MTFR2: variants seen among roughly 807,000 people sequenced by gnomAD.
MTFR2 encodes DUF729 domain-containing protein 1.
A neutral mutation model predicts 41.2 loss-of-function variants in MTFR2; 44 were observed. The ratio of observed to expected loss-of-function variants is 1.07; its 90% CI spans 0.84 to 1.37. The LOEUF is 1.37. Ranked by LOEUF, MTFR2 falls within the 40% of genes most tolerant of loss-of-function variation. The pLI, the probability that MTFR2 is intolerant of heterozygous loss-of-function variation, is 0.00. For synonymous variants in MTFR2, 141 were observed against 154.6 expected (o/e 0.91, Z 0.65); for missense variants, 452 against 459.5 (o/e 0.98, Z 0.15).
chr6:136,235,945 A>T (rs909090940), intron 6 of MTFR2, among the ~76,000 whole-genome samples: 1 of 152,130 alleles, frequency 6.6e-6, no homozygotes, highest in Admixed American at 6.5e-5. Context: ...AAAAAAAGAA[A>T]GTGCTCCAAG....
At chr6:136,233,957 T>C (rs559346759) in intron 6 of MTFR2, among the ~76,000 whole-genome samples, 1 of 152,028 alleles carries the variant, frequency 6.6e-6, no homozygotes, top group South Asian at 2.1e-4. Flanking sequence ...GCTTTGGGAG[T>C]ATTCTGCTCC....
In MTFR2 at chr6:136,242,895, C is replaced by G; in HGVS notation, c.247G>C (p.Ala83Pro). The G allele has an allele frequency of 6.2e-7, 1 of 1,613,092 alleles. No homozygotes were observed. Among genetic ancestry groups the G allele is most frequent in the South Asian group, 1.1e-5 (1 of 90,956 alleles). The change falls in exon 4 of 8, where the codon GCA becomes CCA. Residue 83 changes from alanine (A) to proline (P), a missense_variant. Physicochemically the swap from Ala to Pro is conservative, Grantham distance 27. Coordinates refer to ENST00000420702, the MANE Select transcript of MTFR2 (RefSeq NM_001099286.3). ...AGATAACTGGCTTCTTCATCATTTG[C>G]CACATACAAAATATCAGCAAAAGAT... ...VPSFADILYV[A>P]NDEEASYLRF...
At position 136,241,604 on chromosome 6, in the gene MTFR2, C is replaced by G. The variant is rs1285580350; in HGVS notation, c.354G>C (p.Leu118=). 1.2e-6 allele frequency: 2 copies of G among 1,614,116 alleles called. No individual in the cohort carries two copies. The highest frequency in any genetic ancestry group is 1.7e-5 in the Admixed American group (1 of 60,012). ...FHPLRLVRDP[L]SPAVRQKETV... The stretch of plus-strand genomic sequence containing the variant: ...TTTCTTTCTGTCTTACAGCAGGTGA[C>G]AGTGGATCCCGAACTAGTCGCAAAG... The change falls in exon 5 of 8, where the codon CTG becomes CTC. Residue 118 remains leucine (L), a synonymous_variant. Coordinates refer to ENST00000420702, the MANE Select transcript of MTFR2 (RefSeq NM_001099286.3).
chr6:136,240,341 T>A (rs1200812601), intron 5 of MTFR2, among the ~76,000 whole-genome samples: 2 of 151,748 alleles, frequency 1.3e-5, no homozygotes, highest in Non-Finnish European at 2.9e-5. Context: ...TAGTTATATA[T>A]CATTTTATTT....
rs138169297 is a variant in MTFR2 at position 136,244,576 on chromosome 6, C to T, written c.168+189G>A. On this transcript the variant is annotated intron_variant, in intron 3 of 7. Coordinates refer to ENST00000420702, the MANE Select transcript of MTFR2 (RefSeq NM_001099286.3). ...CAAAATGTATCCCCCCATCATTAAA[C>T]GATGCATGATTGTATTTAAATAAAC... Among the ~76,000 whole-genome samples, 815 of 152,234 alleles carry T rather than the reference C, an allele frequency of 5.4e-3. 5 individuals are homozygous for T. The highest frequency in any genetic ancestry group is 0.017 in the African/African-American group (699 of 41,542).
chr6:136,240,910 T>A (rs574269396), intron 5 of MTFR2, among the ~76,000 whole-genome samples: 2 of 152,030 alleles, frequency 1.3e-5, no homozygotes, highest in Non-Finnish European at 2.9e-5. Context: ...GCTAACACGG[T>A]GAAACCCCGT....
chr6:136,241,569 T>C lies in MTFR2; in HGVS notation c.389A>G (p.Asn130Ser). 6.2e-7 allele frequency: 1 copy of C among 1,614,182 alleles called. No individual in the cohort carries two copies. Among genetic ancestry groups the C allele is most frequent in the Non-Finnish European group, 8.5e-7 (1 of 1,180,030 alleles). The change falls in exon 5 of 8, where the codon AAT becomes AGT. Residue 130 changes from asparagine to serine, a missense_variant. Physicochemically the swap from Asn to Ser is conservative, Grantham distance 46. Coordinates refer to ENST00000420702, the MANE Select transcript of MTFR2 (RefSeq NM_001099286.3). ...TGCAGCTTCATTTACAGGCAGGTCA[T>C]TTTTCACAGTTTCTTTCTGTCTTAC... ...PAVRQKETVK[N>S]DLPVNEAAIR...
intron 6 of MTFR2, among the ~76,000 whole-genome samples, chr6:136,238,453 A>G (rs1272225940): frequency 6.6e-6 from 1 of 152,030 alleles, no homozygotes; most frequent in Non-Finnish European, 1.5e-5. Flanking sequence ...TTTTTTTAAT[A>G]AGATAAAATA....
At chr6:136,236,367 G>A (rs944994288) in intron 6 of MTFR2, among the ~76,000 whole-genome samples, 10 of 152,190 alleles carry the variant, frequency 6.6e-5, no homozygotes, top group Non-Finnish European at 1.3e-4. Flanking sequence ...CAAGATGGAA[G>A]GCAGAGAATC....
chr6:136,244,801 C>G lies in MTFR2; in HGVS notation c.132G>C (p.Met44Ile). ...GTCTTCGACAAGGTTCCAGTGGAAG[C>G]ATTTTCCCAATAATACGAACAATAC... ...TRSIVRIIGK[M>I]LPLEPCRRPN... The change falls in exon 3 of 8, where the codon ATG becomes ATC. Residue 44 changes from methionine (M) to isoleucine (I), a missense_variant. Met to Ile is a conservative substitution (Grantham distance 10). Coordinates refer to ENST00000420702, the MANE Select transcript of MTFR2 (RefSeq NM_001099286.3). 6.2e-7 allele frequency: 1 copy of G among 1,612,652 alleles called. No homozygotes were observed. The highest frequency in any genetic ancestry group is 1.7e-5 in the Admixed American group (1 of 59,806).
chr6:136,231,233 G>T lies in MTFR2; in HGVS notation c.*42C>A. On this transcript the variant is annotated 3_prime_UTR_variant, in exon 8 of 8. Coordinates refer to ENST00000420702, the MANE Select transcript of MTFR2 (RefSeq NM_001099286.3). ...GTTTCTAAGAATAATTTATCATCCA[G>T]GAAGAAGTTTTGGAAGTTTAAAGCT... The T allele has an allele frequency of 8.0e-7, 1 of 1,244,030 alleles. No homozygotes were observed. The highest frequency in any genetic ancestry group is 1.2e-6 in the Non-Finnish European group (1 of 858,974). The allele number at this position is 1,244,030 out of a possible 1,614,324, so 77.1% of individuals were successfully genotyped here. A position where few individuals can be genotyped will look rare whatever the true frequency, so the allele number is the denominator to read the frequency against.
chr6:136,239,982 A>G (rs79820005), intron 5 of MTFR2, among the ~76,000 whole-genome samples, 162 bp from the exon 6 acceptor site: 7,968 of 152,210 alleles, frequency 0.052, 687 homozygotes, highest in African/African-American at 0.18. Flanking sequence ...GTAATTTAAG[A>G]GTCAAGTCAA....
At chr6:136,244,040 TTAAGA>T (rs1283859950) in intron 3 of MTFR2, among the ~76,000 whole-genome samples, 1 of 152,168 alleles carries the variant, frequency 6.6e-6, no homozygotes, top group African/African-American at 2.4e-5. Flanking sequence ...AATGTGTGTT[TTAAGA>T]TAAGTATTAT....
chr6:136,241,091 A>T (rs988144307), intron 5 of MTFR2, among the ~76,000 whole-genome samples: 1 of 132,804 alleles, frequency 7.5e-6, no homozygotes, highest in African/African-American at 3.3e-5. Context: ...ACTGCGTCTC[A>T]AAAAAAAAAA....
rs1489904294 is a variant in MTFR2, at chr6:136,231,361, C to T, written c.1072G>A (p.Gly358Arg). Residue 358 changes from glycine to arginine, a missense_variant, in exon 8 of 8, where the codon GGA (glycine) becomes AGA (arginine). Coordinates refer to ENST00000420702, the MANE Select transcript of MTFR2 (RefSeq NM_001099286.3). ...ACCATTTCTTCTTTAGTTCGCTGTC[C>T]TTCTGACTGTGAAATGTGATGTCCA... is the stretch of plus-strand genomic sequence containing the variant. The part of the protein sequence containing the change: ...RFGHHISQSE[G>R]QRTKEEMVNT... The T allele has an allele frequency of 5.6e-6, 9 of 1,610,726 alleles. No homozygotes were observed. The highest frequency in any genetic ancestry group is 7.6e-6 in the Non-Finnish European group (9 of 1,178,614).
intron 6 of MTFR2, among the ~76,000 whole-genome samples, chr6:136,237,800 A>G (rs970156762): frequency 6.6e-6 from 1 of 151,488 alleles, no homozygotes; most frequent in Non-Finnish European, 1.5e-5. Flanking sequence ...CGGGCGACAG[A>G]GCCAGACTCC....
intron 5 of MTFR2, among the ~76,000 whole-genome samples, chr6:136,240,177 A>G (rs887732545): frequency 6.6e-6 from 1 of 152,218 alleles, no homozygotes; most frequent in African/African-American, 2.4e-5. Flanking sequence ...TTAGAAACAC[A>G]AATTGATGTA....
chr6:136,235,234 C>T (rs900987484), intron 6 of MTFR2, among the ~76,000 whole-genome samples: 5 of 119,026 alleles, frequency 4.2e-5, no homozygotes, highest in Admixed American at 3.7e-4. Context: ...TTGCCATTTG[C>T]TAATATGCAA....
intron 2 of MTFR2, among the ~76,000 whole-genome samples, chr6:136,245,504 C>A (rs1187850996): frequency 6.6e-6 from 1 of 152,058 alleles, no homozygotes; most frequent in Non-Finnish European, 1.5e-5. Context: ...GCCACAGGAA[C>A]CACTCTCCCC....
Sources: gnomAD v4.1 joint callset for allele counts (sites outside exome capture counted in the v4.1 genomes callset) on GRCh38, gnomAD v4.1.1 for gene constraint, MANE v1.5 for transcripts, NCBI Gene and HGNC (gene_info 2026-07-23, HGNC 2026-07-21) for gene names.